Variants in CACTIN observed in about 807,000 individuals in gnomAD.
CACTIN encodes splicing factor Cactin.
Under a neutral mutation model 84.9 loss-of-function variants are expected in CACTIN, and 20 were observed. That is an observed-to-expected ratio of 0.24 (90% CI 0.17 to 0.34). The LOEUF is 0.34. Among genes scored for constraint, CACTIN ranks in the 10% least tolerant of loss-of-function variants. The pLI, the probability that CACTIN is intolerant of heterozygous loss-of-function variation, is 1.00. For missense variants in CACTIN, 897 were observed against 1,117.2 expected, an observed-to-expected ratio of 0.80 and a Z score of 2.81; for synonymous variants, 549 against 467.9, an observed-to-expected ratio of 1.17 and a Z score of -2.24.
At chr19:3,622,035 G>A (rs777637423) in intron 2 of CACTIN, among the ~76,000 whole-genome samples, 7 of 152,094 alleles carry the variant, frequency 4.6e-5, no homozygotes, top group African/African-American at 1.2e-4. Context: ...GCACATCCCC[G>A]TCTGAACCCC....
In CACTIN at chr19:3,623,867, C is replaced by A. The variant is rs866979683; in HGVS notation, c.463G>T (p.Glu155Ter). 6.2e-7 allele frequency: 1 copy of A among 1,609,916 alleles called. No individual in the cohort carries two copies. Among genetic ancestry groups the A allele is most frequent in the Admixed American group, 1.7e-5 (1 of 60,024 alleles). Residue 155 changes from glutamate (E) to a stop codon, truncating the protein, a stop_gained, in exon 2 of 10, where the codon GAG becomes TAG. Transcript: ENST00000429344. LOFTEE classifies it high-confidence loss of function. The part of the protein sequence containing the change: ...RLREERKQQE[E>*]LMKAFETPEE... Reference sequence around the variant, plus strand: ...GGCGTCTCGAAGGCCTTCATCAGCTCCTCCTGCTGCTTCCGCTCCTCCCGC... The same window carrying A: ...GGCGTCTCGAAGGCCTTCATCAGCTACTCCTGCTGCTTCCGCTCCTCCCGC...
chr19:3,618,131 G>A (rs1269589402), intron 6 of CACTIN, among the ~76,000 whole-genome samples: 1 of 149,472 alleles, frequency 6.7e-6, no homozygotes, highest in Non-Finnish European at 1.5e-5. Flanking sequence ...CTGGGGCGTG[G>A]ATTTTGGCGG....
chr19:3,612,190 G>A lies in CACTIN; in HGVS notation c.2010C>T (p.Pro670=). The A allele has an allele frequency of 6.2e-7, 1 of 1,613,542 alleles. No homozygotes were observed. Among genetic ancestry groups the A allele is most frequent in the Non-Finnish European group, 8.5e-7 (1 of 1,179,904 alleles). ...QTHYDFDNPP[P]KIVQGYKFNI... ...TGAACTTGTATCCCTGCACGATCTTGGGCGGTGGGTTGTCAAAGTCGTAGT... is the reference window on the plus strand; with the variant it reads ...TGAACTTGTATCCCTGCACGATCTTAGGCGGTGGGTTGTCAAAGTCGTAGT... Residue 670 remains proline, a synonymous_variant, in exon 10 of 10, where the codon CCC becomes CCT. Coordinates refer to ENST00000429344, the MANE Select transcript of CACTIN (RefSeq NM_001080543.2).
At position 3,613,369 on chromosome 19, in the gene CACTIN, G is replaced by A. The variant is rs771419850; in HGVS notation, c.1479-4C>T. On this transcript the variant is annotated splice_region_variant and splice_polypyrimidine_tract_variant and intron_variant, in intron 8 of 9. Transcript: ENST00000429344. ...CGCCGCGTCCTCAGGCTCCAGGCTGGGAGGAGAGAGCGTTGGAGGCGCGGA... is the reference window on the plus strand; with the variant it reads ...CGCCGCGTCCTCAGGCTCCAGGCTGAGAGGAGAGAGCGTTGGAGGCGCGGA... 101 of 1,523,202 alleles carry A rather than the reference G, an allele frequency of 6.6e-5. No homozygotes were observed. Among genetic ancestry groups the A allele is most frequent in the Non-Finnish European group, 8.7e-5 (99 of 1,139,606 alleles). 94.4% of individuals were successfully genotyped at this position (1,523,202 alleles called of 1,614,324 possible).
In CACTIN at chr19:3,613,823, C is replaced by T. The variant is rs1208405423; in HGVS notation, c.1356-237G>A. ...TCCCATGGCAGGGAGAGGTGGGTCT[C>T]TGTCTCACGCTGCAGTCTCAGTGTC... On this transcript the variant is annotated intron_variant, in intron 7 of 9. Transcript: ENST00000429344. The T allele has an allele frequency of 2.1e-5, 12 of 567,242 alleles. No homozygotes were observed. The East Asian group carries it at 3.3e-4, about 16-fold the overall frequency. The allele number at this position is 567,242 out of a possible 1,614,324, so 35.1% of individuals were successfully genotyped here. A position where few individuals can be genotyped will look rare whatever the true frequency, so the allele number is the denominator to read the frequency against.
rs1203504254 is a variant in CACTIN, at chr19:3,620,365, C to G, written c.739-93G>C. 7 of 1,378,710 alleles carry G rather than the reference C, an allele frequency of 5.1e-6. No individual in the cohort carries two copies. The Admixed American group carries it at 1.4e-4, about 27-fold the overall frequency. The allele number at this position is 1,378,710 out of a possible 1,614,324, so 85.4% of individuals were successfully genotyped here. ...TGATGATGGGGGCCCAGCCTTCACCCAGCTGCCCTGGGCACAGGGATTGGT... is the reference window on the plus strand; with the variant it reads ...TGATGATGGGGGCCCAGCCTTCACCGAGCTGCCCTGGGCACAGGGATTGGT... On this transcript the variant is annotated intron_variant, in intron 3 of 9. Transcript: ENST00000429344.
At position 3,623,974 on chromosome 19, in the gene CACTIN, G is replaced by T. The variant is rs752789238; in HGVS notation, c.356C>A (p.Ala119Glu). 1 of 1,603,974 alleles carries T rather than the reference G, an allele frequency of 6.2e-7. No individual in the cohort carries two copies. Among genetic ancestry groups the T allele is most frequent in the Non-Finnish European group, 8.5e-7 (1 of 1,178,702 alleles). ...WSPSSSASSS[A>E]SPGRSQSPRA... Reference sequence around the variant, plus strand: ...GGGGCTCTGGGATCGCCCTGGAGACGCGGAGCTGGATGCTGAGGAGCTAGG... The same window carrying T: ...GGGGCTCTGGGATCGCCCTGGAGACTCGGAGCTGGATGCTGAGGAGCTAGG... Residue 119 changes from alanine to glutamate, a missense_variant, in exon 2 of 10, where the codon GCG becomes GAG. Around this residue, in one of 8 missense-constraint regions of CACTIN, gnomAD observed 261 missense variants for 243.8 expected, o/e 1.07. Coordinates refer to ENST00000429344, the MANE Select transcript of CACTIN (RefSeq NM_001080543.2).
At chr19:3,623,025 T>A (rs2033255945) in intron 2 of CACTIN, among the ~76,000 whole-genome samples, 1 of 151,716 alleles carries the variant, frequency 6.6e-6, no homozygotes, top group Non-Finnish European at 1.5e-5. Context: ...CACTTGAGCT[T>A]AGGAGTTCGA....
rs779633714 is a variant in CACTIN at position 3,610,830 on chromosome 19, G to A, written c.*1093C>T. 2 of 456,834 alleles carry A rather than the reference G, an allele frequency of 4.4e-6. No homozygotes were observed. The highest frequency in any genetic ancestry group is 3.1e-5 in the South Asian group (2 of 64,570). 28.3% of individuals were successfully genotyped at this position (456,834 alleles called of 1,614,324 possible). ...TCTGGGGCTGGTGACTGGTGAGGTTGGGTGGCCCTCTGGGGGTCCGGGAGG... is the reference window on the plus strand; with the variant it reads ...TCTGGGGCTGGTGACTGGTGAGGTTAGGTGGCCCTCTGGGGGTCCGGGAGG... On this transcript the variant is annotated 3_prime_UTR_variant, in exon 10 of 10. Transcript: ENST00000429344.
rs187722353 is a variant in CACTIN at position 3,611,797 on chromosome 19, C to T, written c.*126G>A. The T allele has an allele frequency of 1.2e-5, 14 of 1,191,182 alleles. No individual in the cohort carries two copies. Among genetic ancestry groups the T allele is most frequent in the Admixed American group, 4.0e-5 (2 of 50,384 alleles). 73.8% of individuals were successfully genotyped at this position (1,191,182 alleles called of 1,614,324 possible). On this transcript the variant is annotated 3_prime_UTR_variant, in exon 10 of 10. Transcript: ENST00000429344. ...ACTGAGGCCTGGCGAAAGAAAGATG[C>T]GGCCTGAGGTGGGACGTGAACCCGC... is the stretch of plus-strand genomic sequence containing the variant.
intron 2 of CACTIN, chr19:3,621,154 C>G: frequency 2.4e-6 from 1 of 408,312 alleles, no homozygotes; most frequent in Non-Finnish European, 4.6e-6. Flanking sequence ...TGCTGACTCG[C>G]TTTACCCGGG....
At position 3,624,040 on chromosome 19, in the gene CACTIN, C is replaced by A; in HGVS notation, c.290G>T (p.Gly97Val). 6.2e-7 allele frequency: 1 copy of A among 1,605,310 alleles called. No homozygotes were observed. Among genetic ancestry groups the A allele is most frequent in the Non-Finnish European group, 8.5e-7 (1 of 1,179,732 alleles). ...QSDSGEEQSR[G>V]QWARRRRRAR... is the part of the protein sequence containing the mutation. Reference sequence around the variant, plus strand: ...GCGCCGTCGCCGGCGAGCCCACTGGCCCCGTGACTGCTCCTCTCCTGAGTC... The same window carrying A: ...GCGCCGTCGCCGGCGAGCCCACTGGACCCGTGACTGCTCCTCTCCTGAGTC... The change falls in exon 2 of 10, where the codon GGC becomes GTC. Residue 97 changes from glycine to valine, a missense_variant. Transcript: ENST00000429344.
chr19:3,620,532 CGA>C, intron 3 of CACTIN, 173 bp downstream of exon 3: 2 of 660,212 alleles, frequency 3.0e-6, no homozygotes. Flanking sequence ...CCAGCAGAGC[CGA>C]GAGGTGGAGG....
At chr19:3,614,679 G>A (rs1377777224) in intron 6 of CACTIN, 90 bp from the exon 7 acceptor site, 4 of 1,051,774 alleles carry the variant, frequency 3.8e-6, no homozygotes, top group Non-Finnish European at 2.8e-6. Context: ...CCATGGGGGG[G>A]TCCCCCTCCC....
chr19:3,626,447 A>C, intron 1 of CACTIN, 149 bp downstream of exon 1: 1 of 972,310 alleles, frequency 1.0e-6, no homozygotes, highest in Non-Finnish European at 1.4e-6. Flanking sequence ...TGCCAGGTTA[A>C]TTCCAACCGG....
rs374665182 is a variant in CACTIN at position 3,613,193 on chromosome 19, G to T, written c.1651C>A (p.Leu551Met). ...TACCTGCCGGCGTCGTAGTCGTCCA[G>T]GCTCTGCTGGATCAGGTCCTCCTCC... Reference protein sequence around the residue: ...LMEEDLIQQSLDDYDAGRYSP... With the variant: ...LMEEDLIQQSMDDYDAGRYSP... The change falls in exon 9 of 10, where the codon CTG (leucine) becomes ATG (methionine). Residue 551 changes from leucine (L) to methionine (M), a missense_variant. By Grantham distance (15) the Leu-to-Met change is conservative. Coordinates refer to ENST00000429344, the MANE Select transcript of CACTIN (RefSeq NM_001080543.2). 1 of 1,611,530 alleles carries T rather than the reference G, an allele frequency of 6.2e-7. No individual in the cohort carries two copies. The highest frequency in any genetic ancestry group is 2.2e-5 in the East Asian group (1 of 44,846).
intron 4 of CACTIN, among the ~76,000 whole-genome samples, chr19:3,619,926 C>G (rs1412591424): frequency 1.3e-5 from 2 of 152,156 alleles, no homozygotes; most frequent in Non-Finnish European, 2.9e-5. Flanking sequence ...TTCACCTGGG[C>G]CCGTCTCCTC....
rs754580884 is a variant in CACTIN, at chr19:3,624,006, C to A, written c.324G>T (p.Ser108=). ...QWARRRRRAR[S]WSPSSSASSS... ...TGGATGCTGAGGAGCTAGGAGACCA[C>A]GAGCGTGCGCGCCGTCGCCGGCGAG... is the stretch of plus-strand genomic sequence containing the variant. The change falls in exon 2 of 10, where the codon TCG becomes TCT. Residue 108 remains serine (S), a synonymous_variant. Transcript: ENST00000429344. 3.7e-6 allele frequency: 6 copies of A among 1,605,432 alleles called. No homozygotes were observed. The highest frequency in any genetic ancestry group is 5.1e-6 in the Non-Finnish European group (6 of 1,179,406).
intron 2 of CACTIN, among the ~76,000 whole-genome samples, chr19:3,623,238 A>T (rs1387335209): frequency 1.3e-5 from 2 of 151,962 alleles, no homozygotes; most frequent in Admixed American, 6.6e-5. Context: ...CTGAGTCAAA[A>T]AAGAAAGCTG....
Sources: allele counts gnomAD v4.1 joint callset (sites outside exome capture counted in the v4.1 genomes callset), GRCh38; gene constraint gnomAD v4.1.1; regional missense constraint gnomAD v4.1.1; transcripts MANE v1.5; gene names NCBI Gene and HGNC (gene_info 2026-07-23, HGNC 2026-07-21).